Variants in DNAH17 observed in about 807,000 individuals in gnomAD.
The protein encoded by DNAH17 is dynein axonemal heavy chain 17.
In DNAH17, 376 loss-of-function variants were observed where a neutral mutation model predicts 485.6. The ratio of observed to expected loss-of-function variants is 0.77; its 90% CI spans 0.71 to 0.84. The LOEUF (loss-of-function observed/expected upper bound fraction) is 0.84. Ranked by LOEUF, DNAH17 falls within the 40% of genes least tolerant of loss-of-function variation. The pLI, the probability that DNAH17 is intolerant of heterozygous loss-of-function variation, is 0.00. For missense variants in DNAH17, 6,370 were observed against 5,839.3 expected (o/e 1.09, Z -2.96); for synonymous variants, 3,031 against 2,405.9 (o/e 1.26, Z -7.60).
chr17:78,558,360 G>C (rs181085513), intron 13 of DNAH17, 106 bp from the exon 14 acceptor site: 16 of 1,391,132 alleles, frequency 1.2e-5, no homozygotes, highest in Non-Finnish European at 1.5e-5. Context: ...TGACAGCCGG[G>C]GGGGATCTCA....
rs1432441438 is a variant in DNAH17 at position 78,444,765 on chromosome 17, C to T, written c.11367G>A (p.Leu3789=). 2 of 1,589,636 alleles carry T rather than the reference C, an allele frequency of 1.3e-6. No individual in the cohort carries two copies. The highest frequency in any genetic ancestry group is 1.7e-6 in the Non-Finnish European group (2 of 1,170,418). ...ALSEMDEFKN[L]DSDIEGSAKR... ...TGGCAGATCCTTCGATGTCACTGTCCAGATTTTTGAACTCATCCATCTCCG... is the reference window on the plus strand; with the variant it reads ...TGGCAGATCCTTCGATGTCACTGTCTAGATTTTTGAACTCATCCATCTCCG... Residue 3789 remains leucine, a synonymous_variant, in exon 71 of 81, where the codon CTG becomes CTA. Coordinates refer to ENST00000389840, the MANE Select transcript of DNAH17 (RefSeq NM_173628.4).
chr17:78,514,635 G>T, intron 26 of DNAH17, 139 bp downstream of exon 26: 2 of 1,194,094 alleles, frequency 1.7e-6, no homozygotes, highest in Non-Finnish European at 2.3e-6. Flanking sequence ...GGTCACTTGT[G>T]CACGAAGCCA....
chr17:78,526,839 T>C (rs1227838615), intron 23 of DNAH17, 41 bp downstream of exon 23: 11 of 1,557,974 alleles, frequency 7.1e-6, no homozygotes, highest in Non-Finnish European at 9.6e-6. Flanking sequence ...AGCCCCACGC[T>C]GCTCCCCGGA....
intron 56 of DNAH17, 56 bp from the exon 57 acceptor site, chr17:78,463,133 G>A: frequency 6.5e-7 from 1 of 1,544,070 alleles, no homozygotes; most frequent in African/African-American, 1.4e-5. Flanking sequence ...AATCAGCAAA[G>A]TGGGGCTCCC....
Position 78,426,559 on chromosome 17 carries a change from C to A in DNAH17, c.12813G>T (p.Thr4271=), listed in dbSNP as rs140610113. 36 of 1,613,232 alleles carry A rather than the reference C, an allele frequency of 2.2e-5. No homozygotes were observed. The highest frequency in any genetic ancestry group is 4.0e-5 in the African/African-American group (3 of 74,922). The change falls in exon 79 of 81, where the codon ACG becomes ACT. Residue 4271 remains threonine, a synonymous_variant. Coordinates refer to ENST00000389840, the MANE Select transcript of DNAH17 (RefSeq NM_173628.4). ...TITTDVEDLS[T]ALFYDTVPDT... ...CAGGCACGGTGTCATAGAAGAGAGC[C>A]GTGGACAGATCTTCCACGTCGGTCG...
intron 16 of DNAH17, among the ~76,000 whole-genome samples, chr17:78,545,532 T>G (rs2091736752): frequency 6.6e-6 from 1 of 152,122 alleles, no homozygotes; most frequent in Non-Finnish European, 1.5e-5. Flanking sequence ...GAGTGAGCTC[T>G]CTCATGTCTG....
At chr17:78,451,750 CA>C (rs2087564228) in intron 65 of DNAH17, 77 bp from the exon 66 acceptor site, 1 of 1,330,982 alleles carries the variant, frequency 7.5e-7, no homozygotes, top group Admixed American at 2.4e-5. Context: ...GACCACCTTT[CA>C]CCCCAGCCCC....
chr17:78,512,940 C>CAAAAAAAAAAAAAAAAAAAAAAAAAA (rs57734613), intron 26 of DNAH17, among the ~76,000 whole-genome samples: 1 of 83,304 alleles, frequency 1.2e-5, no homozygotes, highest in Non-Finnish European at 2.2e-5. Flanking sequence ...GACTCTAACT[C>CAAAAAAAAAAAAAAAAAAAAAAAAAA]AAAAAAAAAA....
chr17:78,434,246 T>TG, intron 74 of DNAH17, 26 bp from the exon 75 acceptor site: 1 of 1,579,484 alleles, frequency 6.3e-7, no homozygotes, highest in Non-Finnish European at 8.6e-7. Context: ...TCCGGTCAGG[T>TG]ATTAGGGAGA....
chr17:78,447,274 G>A (rs1485008730), intron 69 of DNAH17, among the ~76,000 whole-genome samples: 2 of 152,210 alleles, frequency 1.3e-5, no homozygotes, highest in Non-Finnish European at 2.9e-5. Flanking sequence ...GAATGCTGAT[G>A]TACAGGAATG....
chr17:78,445,332 C>G (rs1341652985), intron 70 of DNAH17, among the ~76,000 whole-genome samples: 1 of 152,156 alleles, frequency 6.6e-6, no homozygotes, highest in Non-Finnish European at 1.5e-5. Context: ...GTGTGCAGGT[C>G]TCAGGGACCT....
chr17:78,435,053 G>T (rs8080338), intron 74 of DNAH17, among the ~76,000 whole-genome samples: 1 of 152,062 alleles, frequency 6.6e-6, no homozygotes, highest in Non-Finnish European at 1.5e-5. Flanking sequence ...GACAAGAAGG[G>T]GAGCAGCTGG....
intron 48 of DNAH17, 129 bp downstream of exon 48, chr17:78,484,739 A>ACCCCCCAGGCCCC: frequency 1.2e-5 from 4 of 347,796 alleles, no homozygotes; most frequent in Non-Finnish European, 1.4e-5. Flanking sequence ...ACGTTGCAGC[A>ACCCCCCAGGCCCC]CCCCCCCCAC....
chr17:78,440,142 C>T lies in DNAH17; in HGVS notation c.11677+909G>A, dbSNP rs150679155. On this transcript the variant is annotated intron_variant, in intron 72 of 80. Coordinates refer to ENST00000389840, the MANE Select transcript of DNAH17 (RefSeq NM_173628.4). ...TAGAGACAAGCTCTCCCTGTGTTGACCAGGCTGATCTTGAACTCCAGGGCT... is the reference window on the plus strand; with the variant it reads ...TAGAGACAAGCTCTCCCTGTGTTGATCAGGCTGATCTTGAACTCCAGGGCT... Among the ~76,000 whole-genome samples, 122 of 151,410 alleles carry T rather than the reference C, an allele frequency of 8.1e-4. 1 individual carries two copies. The East Asian group carries it at 0.022, about 28-fold the overall frequency.
intron 25 of DNAH17, among the ~76,000 whole-genome samples, chr17:78,517,472 T>TG (rs2090818660): frequency 6.6e-6 from 1 of 152,198 alleles, no homozygotes; most frequent in Admixed American, 6.5e-5. Context: ...AAGAAATACT[T>TG]GGGAAAAAGA....
chr17:78,570,202 A>AGCCAGGAGGGGAGGAAGGGGACCCAGGG (rs2092331155), intron 7 of DNAH17, 45 bp downstream of exon 7: 1 of 1,540,030 alleles, frequency 6.5e-7, no homozygotes, highest in African/African-American at 1.4e-5. Flanking sequence ...GAGGGGACCC[A>AGCCAGGAGGGGAGGAAGGGGACCCAGGG]GCCAGGAGGG....
chr17:78,485,211 G>C (rs541320143), intron 47 of DNAH17, 178 bp from the exon 48 acceptor site: 37 of 767,214 alleles, frequency 4.8e-5, no homozygotes, highest in Non-Finnish European at 6.9e-5. Context: ...TACAGCCCCA[G>C]GAATAAACAG....
intron 62 of DNAH17, among the ~76,000 whole-genome samples, chr17:78,456,069 C>T (rs1240838726): frequency 2.6e-5 from 4 of 152,068 alleles, no homozygotes; most frequent in Admixed American, 6.5e-5. Context: ...GAGGCTGAGG[C>T]GGGTGGATCA....
At position 78,425,479 on chromosome 17, in the gene DNAH17, C is replaced by T; in HGVS notation, c.13008G>A (p.Met4336Ile). The change falls in exon 80 of 81, where the codon ATG (methionine) becomes ATA (isoleucine). Residue 4336 changes from methionine (M) to isoleucine (I), a missense_variant. By Grantham distance (10) the Met-to-Ile change is conservative (BLOSUM62 1). Transcript: ENST00000389840. ...ACTCGTTCTTCCTGGCCATGGACTG[C>T]ATGATGGCCGTGAGGAACGACTGGG... ...FNPQSFLTAIMQSMARKNEWP... is the reference protein window; with the variant it reads ...FNPQSFLTAIIQSMARKNEWP... 1 of 1,614,006 alleles carries T rather than the reference C, an allele frequency of 6.2e-7. No individual in the cohort carries two copies. Among genetic ancestry groups the T allele is most frequent in the African/African-American group, 1.3e-5 (1 of 75,046 alleles).
Sources: allele counts gnomAD v4.1 joint callset (sites outside exome capture counted in the v4.1 genomes callset), GRCh38; gene constraint gnomAD v4.1.1; transcripts MANE v1.5; gene names NCBI Gene and HGNC (gene_info 2026-07-23, HGNC 2026-07-21).